PDE12: variants seen among roughly 807,000 people sequenced by gnomAD.
PDE12 encodes 2',5'-phosphodiesterase 12.
A neutral mutation model predicts 45.4 loss-of-function variants in PDE12; 26 were observed. That is an observed-to-expected ratio of 0.57 (90% CI 0.42 to 0.79). The LOEUF is 0.79. Ranked by LOEUF, PDE12 falls within the 30% of genes least tolerant of loss-of-function variation. PDE12 has a pLI of 0.00. For synonymous variants in PDE12, 283 were observed against 323.9 expected (o/e 0.87, Z 1.36); for missense variants, 668 against 790.0 (o/e 0.85, Z 1.85).
At chr3:57,583,869 A>C in the PDE12 span, 1 of 1,463,830 alleles carries the variant, frequency 6.8e-7, no homozygotes, top group Non-Finnish European at 9.5e-7. Flanking sequence ...CCACAAAGAA[A>C]AGTTATAAAA....
the PDE12 span, among the ~76,000 whole-genome samples, chr3:57,621,830 G>A: frequency 2.3e-4 from 35 of 151,838 alleles, no homozygotes; most frequent in Non-Finnish European, 1.2e-4. Context: ...AACTAGGGGT[G>A]GGGGGATCTT....
At chr3:57,627,049 A>T in the PDE12 span, 1 of 152,230 alleles carries the variant, frequency 6.6e-6, no homozygotes, top group Middle Eastern at 3.2e-3. Context: ...AGTTTAAAAA[A>T]ATAGCTGATT....
the PDE12 span, chr3:57,577,498 C>A: frequency 2.6e-5 from 21 of 811,100 alleles, no homozygotes; most frequent in Non-Finnish European, 4.1e-5. Flanking sequence ...GAAAATGTCT[C>A]TTTAAAAGTA....
At chr3:57,653,941 C>CA in the PDE12 span, among the ~76,000 whole-genome samples, 1 of 75,820 alleles carries the variant, frequency 1.3e-5, no homozygotes. Flanking sequence ...TAGAAATTCA[C>CA]TTTTTTTTTT....
intron 1 of PDE12, 146 bp from the exon 2 acceptor site, chr3:57,559,164 T>G (rs1575772492): frequency 1.6e-6 from 1 of 607,420 alleles, no homozygotes; most frequent in Non-Finnish European, 2.9e-6. Context: ...GAGCTTGCAG[T>G]GAGCCGAGAT....
the PDE12 span, among the ~76,000 whole-genome samples, chr3:57,599,445 G>C: frequency 6.6e-6 from 1 of 152,142 alleles, no homozygotes; most frequent in Non-Finnish European, 1.5e-5. Flanking sequence ...GTTTTATATA[G>C]TAGAATTCCT....
At chr3:57,572,039 T>C in the PDE12 span, 2 of 534,264 alleles carry the variant, frequency 3.7e-6, no homozygotes, top group South Asian at 5.5e-5. Flanking sequence ...CCAAGCACAT[T>C]GCTAAATAGC....
the PDE12 span, among the ~76,000 whole-genome samples, chr3:57,592,344 G>A: frequency 1.7e-4 from 26 of 152,122 alleles, no homozygotes; most frequent in East Asian, 1.5e-3. Flanking sequence ...AAAATTAGCC[G>A]GGCATGGTGG....
chr3:57,570,694 G>T (rs1193482502), downstream of PDE12, among the ~76,000 whole-genome samples: 1 of 152,080 alleles, frequency 6.6e-6, no homozygotes, highest in African/African-American at 2.4e-5. Flanking sequence ...AAACTTAATA[G>T]ATGTAGTTTA....
In PDE12 at chr3:57,557,531, T is replaced by G. The variant is rs1341916867; in HGVS notation, c.1152T>G (p.Thr384=). 1 of 1,614,130 alleles carries G rather than the reference T, an allele frequency of 6.2e-7. No individual in the cohort carries two copies. The highest frequency in any genetic ancestry group is 1.1e-5 in the South Asian group (1 of 91,088). ...FRIKQHEGLA[T]FYRKSKFSLL... Reference sequence around the variant, plus strand: ...TCAAGCAGCACGAAGGCCTGGCCACTTTCTACCGAAAGTCTAAGTTCAGCC... The same window carrying G: ...TCAAGCAGCACGAAGGCCTGGCCACGTTCTACCGAAAGTCTAAGTTCAGCC... The change falls in exon 1 of 3, where the codon ACT becomes ACG. Residue 384 remains threonine (T), a synonymous_variant. Transcript: ENST00000311180.
the PDE12 span, among the ~76,000 whole-genome samples, chr3:57,618,627 T>TTTTTTTAG: frequency 7.3e-6 from 1 of 136,844 alleles, no homozygotes; most frequent in Admixed American, 8.2e-5. Flanking sequence ...TTTTTTTTTT[T>TTTTTTTAG]GAGATGGAGT....
At chr3:57,603,917 C>A in the PDE12 span, among the ~76,000 whole-genome samples, 9 of 151,474 alleles carry the variant, frequency 5.9e-5, no homozygotes, top group Non-Finnish European at 1.0e-4. Context: ...CCACTGCACC[C>A]AGCCCAGAAT....
chr3:57,596,696 T>C, the PDE12 span: 1 of 220,052 alleles, frequency 4.5e-6, no homozygotes, highest in Non-Finnish European at 9.3e-6. Flanking sequence ...TCCTGACCGC[T>C]GTCCACACCC....
In PDE12 at chr3:57,556,292, A is replaced by G; in HGVS notation, c.-88A>G. The G allele has an allele frequency of 7.3e-7, 1 of 1,373,202 alleles. No homozygotes were observed. The highest frequency in any genetic ancestry group is 9.7e-7 in the Non-Finnish European group (1 of 1,032,948). 85.1% of individuals were successfully genotyped at this position (1,373,202 alleles called of 1,614,324 possible). A position where few individuals can be genotyped will look rare whatever the true frequency, so the allele number is the denominator to read the frequency against. On this transcript the variant is annotated 5_prime_UTR_variant, in exon 1 of 3. Coordinates refer to ENST00000311180, the MANE Select transcript of PDE12 (RefSeq NM_177966.7). This position sits in a 1 kb window ranked among gnomAD's most constrained non-coding sequence, Gnocchi z 5.0. ...GGAAGTCGCGAGATCTGAATGAGTC[A>G]AAGCCGGCGGCCTCGGCTCCTCAGC...
the PDE12 span, chr3:57,577,244 G>A: frequency 4.0e-6 from 5 of 1,255,598 alleles, no homozygotes; most frequent in South Asian, 1.2e-5. Flanking sequence ...TAGTCAAAAT[G>A]TACTAAACCA....
rs376262036 is a variant in PDE12, at chr3:57,557,664, C to T, written c.1285C>T (p.Leu429Phe). 3.7e-6 allele frequency: 6 copies of T among 1,613,860 alleles called. No individual in the cohort carries two copies. Among genetic ancestry groups the T allele is most frequent in the Non-Finnish European group, 5.1e-6 (6 of 1,179,876 alleles). Residue 429 changes from leucine (L) to phenylalanine (F), a missense_variant, in exon 1 of 3, where the codon CTC becomes TTC. Coordinates refer to ENST00000311180, the MANE Select transcript of PDE12 (RefSeq NM_177966.7). ...GTACCCATCAGCGCAGGAGAAGGTG[C>T]TCCAGAGATCTTCTGTTCTTCAGGT... ...VLYPSAQEKV[L>F]QRSSVLQVSV...
the PDE12 span, among the ~76,000 whole-genome samples, chr3:57,640,823 C>A: frequency 9.2e-5 from 14 of 152,048 alleles, no homozygotes; most frequent in Admixed American, 2.6e-4. Context: ...TCTTCTCATA[C>A]GCAAGACTCA....
At chr3:57,604,691 C>T in the PDE12 span, among the ~76,000 whole-genome samples, 1 of 149,916 alleles carries the variant, frequency 6.7e-6, no homozygotes, top group African/African-American at 2.5e-5. Flanking sequence ...TGGCTCACTG[C>T]AACCTCTAGC....
At chr3:57,648,182 G>A in the PDE12 span, among the ~76,000 whole-genome samples, 3 of 152,210 alleles carry the variant, frequency 2.0e-5, no homozygotes, top group African/African-American at 7.2e-5. Context: ...CAAAATTAAT[G>A]TACACAAATC....
Sources: gnomAD v4.1 joint callset for allele counts (sites outside exome capture counted in the v4.1 genomes callset) on GRCh38, gnomAD v4.1.1 for gene constraint, Gnocchi (gnomAD v3.1) non-coding constraint, MANE v1.5 for transcripts, NCBI Gene and HGNC (gene_info 2026-07-23, HGNC 2026-07-21) for gene names.